Variants in CDH12 observed in about 807,000 individuals in gnomAD.
The protein encoded by CDH12 is cadherin 12.
CDH12 carries 41 observed loss-of-function variants against 74.1 expected under a neutral mutation model. The ratio of observed to expected loss-of-function variants is 0.55; its 90% CI spans 0.43 to 0.72. CDH12 has a LOEUF of 0.72. Among genes scored for constraint, CDH12 ranks in the 30% least tolerant of loss-of-function variants. The pLI is 0.00. For missense variants in CDH12, 945 were observed against 977.2 expected, an observed-to-expected ratio of 0.97 and a Z score of 0.44; for synonymous variants, 399 against 355.0, an observed-to-expected ratio of 1.12 and a Z score of -1.39.
At chr5:21,769,161 A>C (rs10941925) in intron 11 of CDH12, among the ~76,000 whole-genome samples, 4,813 of 152,156 alleles carry the variant, frequency 0.032, 178 homozygotes, top group East Asian at 0.15. Flanking sequence ...ATCACGGTAA[A>C]AGACTTTTTT....
At chr5:22,116,168 T>C (rs986902111) in intron 4 of CDH12, among the ~76,000 whole-genome samples, 1 of 152,166 alleles carries the variant, frequency 6.6e-6, no homozygotes, top group African/African-American at 2.4e-5. Context: ...AAGCAGAGCT[T>C]CCTTTTCCTT....
At chr5:22,737,943 A>T (rs980050387) in intron 1 of CDH12, among the ~76,000 whole-genome samples, 19 of 152,044 alleles carry the variant, frequency 1.2e-4, no homozygotes, top group African/African-American at 3.4e-4. Flanking sequence ...AAAATGAGAC[A>T]CTTTTGAGAG....
At chr5:22,315,155 G>A (rs1291820888) in intron 3 of CDH12, among the ~76,000 whole-genome samples, 1 of 68,282 alleles carries the variant, frequency 1.5e-5, no homozygotes, top group African/African-American at 5.0e-5. Context: ...GTAGAGACGG[G>A]GTTTCACCGT....
chr5:21,825,498 T>G (rs1748620723), intron 8 of CDH12, among the ~76,000 whole-genome samples: 1 of 152,186 alleles, frequency 6.6e-6, no homozygotes, highest in African/African-American at 2.4e-5. Flanking sequence ...TGCTCATATT[T>G]GAGCATCTTA....
intron 6 of CDH12, chr5:21,883,020 G>T: frequency 6.2e-7 from 1 of 1,609,414 alleles, no homozygotes; most frequent in Non-Finnish European, 8.5e-7. Flanking sequence ...CAGGAGAGGT[G>T]TGATGTTAGC....
chr5:22,778,324 G>T (rs1317730239), intron 1 of CDH12, among the ~76,000 whole-genome samples: 1 of 152,062 alleles, frequency 6.6e-6, no homozygotes, highest in Non-Finnish European at 1.5e-5. Flanking sequence ...TCACAAAATG[G>T]AGGCCTTTCC....
intron 2 of CDH12, among the ~76,000 whole-genome samples, chr5:22,459,256 T>C (rs1420823937): frequency 2.0e-5 from 3 of 152,106 alleles, no homozygotes; most frequent in Non-Finnish European, 4.4e-5. Context: ...ATTTATATTA[T>C]GAATATTTAA....
Position 21,816,881 on chromosome 5 carries a change from A to G in CDH12, c.1002+64T>C, listed in dbSNP as rs555485006. The G allele has an allele frequency of 1.2e-5, 13 of 1,092,866 alleles. No individual in the cohort carries two copies. The African/African-American group carries it at 2.0e-4, about 16-fold the overall frequency. 67.7% of individuals were successfully genotyped at this position (1,092,866 alleles called of 1,614,324 possible). ...ATTAAAATTACTTGTCATTTTCAAT[A>G]TTTATTTTTTATCTTCTTTAATTAT... On this transcript the variant is annotated intron_variant, in intron 9 of 14. Coordinates refer to ENST00000382254, the MANE Select transcript of CDH12 (RefSeq NM_004061.5).
At chr5:22,654,907 AG>A (rs1739954960) in intron 1 of CDH12, among the ~76,000 whole-genome samples, 1 of 152,162 alleles carries the variant, frequency 6.6e-6, no homozygotes, top group Admixed American at 6.5e-5. Context: ...CTGGGAATAC[AG>A]GCATGAGCCA....
chr5:21,786,031 A>C (rs926723362), intron 10 of CDH12, among the ~76,000 whole-genome samples: 20 of 152,330 alleles, frequency 1.3e-4, no homozygotes, highest in Admixed American at 2.0e-4. Context: ...AGTTGAAGCC[A>C]ATGTTCATTA....
chr5:21,912,793 A>G (rs10472471), intron 6 of CDH12, among the ~76,000 whole-genome samples: 112,675 of 152,056 alleles, frequency 0.74, 44,319 homozygotes, highest in East Asian at 0.93. Context: ...TAAATTTTGA[A>G]TAATAGTTTT....
intron 2 of CDH12, among the ~76,000 whole-genome samples, chr5:22,424,376 A>T (rs1361869120): frequency 6.6e-6 from 1 of 152,100 alleles, no homozygotes; most frequent in Non-Finnish European, 1.5e-5. Context: ...ACATGTGAAA[A>T]ACTCCAGGGT....
At chr5:21,816,000 A>T (rs1475085963) in intron 9 of CDH12, among the ~76,000 whole-genome samples, 1 of 152,206 alleles carries the variant, frequency 6.6e-6, no homozygotes, top group African/African-American at 2.4e-5. Context: ...ATAATAGTTG[A>T]ATCACAGAAT....
intron 1 of CDH12, among the ~76,000 whole-genome samples, chr5:22,835,390 T>C (rs947998780): frequency 6.6e-6 from 1 of 152,212 alleles, no homozygotes; most frequent in African/African-American, 2.4e-5. Context: ...CATTGTTATA[T>C]TGCTATTTCA....
intron 2 of CDH12, among the ~76,000 whole-genome samples, chr5:22,460,196 GTTTTAC>G (rs1745443545): frequency 6.6e-6 from 1 of 151,950 alleles, no homozygotes; most frequent in Non-Finnish European, 1.5e-5. Context: ...TCTGGGTTTT[GTTTTAC>G]TTTTACCTGT....
At chr5:22,664,945 T>C (rs1481331052) in intron 1 of CDH12, among the ~76,000 whole-genome samples, 2 of 152,082 alleles carry the variant, frequency 1.3e-5, no homozygotes, top group Non-Finnish European at 2.9e-5. Context: ...AGTTTTAGGT[T>C]TTGTTTGTTT....
chr5:22,510,544 A>C (rs142608563), intron 1 of CDH12, among the ~76,000 whole-genome samples: 18 of 152,314 alleles, frequency 1.2e-4, no homozygotes, highest in African/African-American at 4.3e-4. Context: ...TTAGGCAGCC[A>C]CAAGGGATTG....
rs117181672 is a variant in CDH12 at position 22,743,821 on chromosome 5, A to G, written c.-523+109237T>C. On this transcript the variant is annotated intron_variant, in intron 1 of 14. Transcript: ENST00000382254. ...GTCGAAGTCTTCAATGGCTGACATT[A>G]TTTAGCATTAACTACAGTTAAGTTC... 1.8e-4 allele frequency among the ~76,000 whole-genome samples: 28 copies of G among 152,134 alleles called. No homozygotes were observed. The East Asian group carries it at 4.3e-3, about 23-fold the overall frequency.
intron 6 of CDH12, among the ~76,000 whole-genome samples, chr5:21,858,023 CT>C (rs11292471): frequency 0.12 from 17,380 of 147,490 alleles, 2,015 homozygotes; most frequent in African/African-American, 0.31. Flanking sequence ...TTGTATCTCC[CT>C]TTTTTTTTTA....
Sources: gnomAD v4.1 joint callset for allele counts (sites outside exome capture counted in the v4.1 genomes callset) on GRCh38, gnomAD v4.1.1 for gene constraint, MANE v1.5 for transcripts, NCBI Gene and HGNC (gene_info 2026-07-23, HGNC 2026-07-21) for gene names.